The following STXBP5L variants were observed in gnomAD, a reference collection of about 807,000 sequenced individuals.
STXBP5L encodes syntaxin binding protein 5L.
Under a neutral mutation model 144.5 loss-of-function variants are expected in STXBP5L, and 65 were observed. The observed-to-expected ratio is 0.45, with a 90% CI of 0.37 to 0.55. STXBP5L has a LOEUF of 0.55. Ranked by LOEUF, STXBP5L falls within the 20% of genes least tolerant of loss-of-function variation. The pLI is 0.00. For missense variants in STXBP5L, 1,298 were observed against 1,405.5 expected, an observed-to-expected ratio of 0.92 and a Z score of 1.22; for synonymous variants, 505 against 469.6, an observed-to-expected ratio of 1.08 and a Z score of -0.97.
At chr3:120,977,751 ATC>A in intron 3 of STXBP5L, among the ~76,000 whole-genome samples, 1 of 152,148 alleles carries the variant, frequency 6.6e-6, no homozygotes, top group South Asian at 2.1e-4. Context: ...TGGTGACAAA[ATC>A]TCTCAGCATT....
intron 5 of STXBP5L, among the ~76,000 whole-genome samples, chr3:121,085,859 T>C (rs530346920): frequency 1.6e-4 from 24 of 152,186 alleles, no homozygotes; most frequent in African/African-American, 5.1e-4. Flanking sequence ...AGGGCCCACA[T>C]AGCCAAGACA....
intron 9 of STXBP5L, among the ~76,000 whole-genome samples, chr3:121,162,281 T>C (rs1175332243): frequency 2.6e-5 from 4 of 152,020 alleles, no homozygotes; most frequent in Admixed American, 2.6e-4. Context: ...CCAAGAAAAA[T>C]AATTACAGGG....
At chr3:121,165,715 A>T (rs896370233) in intron 9 of STXBP5L, among the ~76,000 whole-genome samples, 1 of 152,082 alleles carries the variant, frequency 6.6e-6, no homozygotes, top group African/African-American at 2.4e-5. Context: ...TGTCTCACAG[A>T]TTGGACCCCA....
intron 7 of STXBP5L, among the ~76,000 whole-genome samples, chr3:121,140,343 A>C (rs548750913): frequency 5.5e-4 from 84 of 152,274 alleles, no homozygotes; most frequent in Middle Eastern, 3.4e-3. Context: ...TCCTCAAATT[A>C]AAAATAGAAA....
intron 22 of STXBP5L, among the ~76,000 whole-genome samples, chr3:121,403,437 A>C (rs1986730): frequency 0.59 from 90,115 of 151,860 alleles, 27,771 homozygotes; most frequent in East Asian, 0.89. Context: ...TCACCTACTT[A>C]AGAAAGTCAA....
intron 5 of STXBP5L, among the ~76,000 whole-genome samples, chr3:121,059,733 A>G (rs2041166640): frequency 6.6e-6 from 1 of 152,142 alleles, no homozygotes; most frequent in Non-Finnish European, 1.5e-5. Context: ...TTCTGTTAGT[A>G]GCAATGGTGA....
chr3:121,068,978 TATGTTA>T (rs2041681285), intron 5 of STXBP5L, among the ~76,000 whole-genome samples: 1 of 152,170 alleles, frequency 6.6e-6, no homozygotes, highest in Non-Finnish European at 1.5e-5. Flanking sequence ...ATTCACCCCA[TATGTTA>T]ATGTCGTACA....
intron 8 of STXBP5L, 107 bp downstream of exon 8, chr3:121,152,667 T>C: frequency 1.4e-6 from 1 of 720,104 alleles, no homozygotes; most frequent in South Asian, 2.2e-5. Flanking sequence ...GAAAGTTGCC[T>C]GATTCTGACC....
chr3:121,200,999 C>T (rs757012742), intron 9 of STXBP5L, among the ~76,000 whole-genome samples: 14 of 152,150 alleles, frequency 9.2e-5, no homozygotes, highest in Admixed American at 2.0e-4. Context: ...TCTATTAGGT[C>T]TTCTTGGTCC....
chr3:121,095,436 A>T (rs1270787669), intron 5 of STXBP5L, among the ~76,000 whole-genome samples: 1 of 152,050 alleles, frequency 6.6e-6, no homozygotes, highest in African/African-American at 2.4e-5. Flanking sequence ...TCAGATGTGG[A>T]TTTGATCTTT....
chr3:121,016,733 T>G (rs1418620767), intron 3 of STXBP5L, among the ~76,000 whole-genome samples: 1 of 152,194 alleles, frequency 6.6e-6, no homozygotes, highest in African/African-American at 2.4e-5. Flanking sequence ...CAAACTCACA[T>G]GAGGACAGAT....
rs749556462 is a variant in STXBP5L at position 121,250,720 on chromosome 3, T to C, written c.1401-3T>C. 6.2e-7 allele frequency: 1 copy of C among 1,607,430 alleles called. No homozygotes were observed. Among genetic ancestry groups the C allele is most frequent in the East Asian group, 2.2e-5 (1 of 44,628 alleles). ...AATTAATGCTAATTTATTTCTCATCTAGTCATGCAGATGGATCAATAAAAT... is the reference window on the plus strand; with the variant it reads ...AATTAATGCTAATTTATTTCTCATCCAGTCATGCAGATGGATCAATAAAAT... On this transcript the variant is annotated splice_polypyrimidine_tract_variant and splice_region_variant and intron_variant, in intron 14 of 26. Transcript: ENST00000471454.
intron 19 of STXBP5L, among the ~76,000 whole-genome samples, chr3:121,283,769 C>A (rs2051138487): frequency 6.6e-6 from 1 of 151,932 alleles, no homozygotes; most frequent in Non-Finnish European, 1.5e-5. Flanking sequence ...ATCCTCTGCA[C>A]CACATAAAGG....
intron 3 of STXBP5L, among the ~76,000 whole-genome samples, chr3:120,998,255 G>T (rs1943507541): frequency 6.6e-6 from 1 of 152,110 alleles, no homozygotes; most frequent in Admixed American, 6.6e-5. Context: ...AGAGAAAGAA[G>T]TAAAGTCCTC....
intron 5 of STXBP5L, among the ~76,000 whole-genome samples, chr3:121,110,168 A>T (rs6796937): frequency 0.099 from 15,105 of 152,102 alleles, 1,187 homozygotes; most frequent in Admixed American, 0.2. Flanking sequence ...CCAGCTTGCC[A>T]TTCTGTGTCT....
chr3:120,948,740 C>T (rs1711010333), intron 2 of STXBP5L, among the ~76,000 whole-genome samples: 1 of 151,776 alleles, frequency 6.6e-6, no homozygotes, highest in Admixed American at 6.6e-5. Flanking sequence ...TATTTCATTC[C>T]TTTTTATGAC....
chr3:121,192,085 G>A (rs746945074), intron 9 of STXBP5L, among the ~76,000 whole-genome samples: 44 of 151,974 alleles, frequency 2.9e-4, no homozygotes, highest in Admixed American at 1.3e-4. Flanking sequence ...GCCTAGAACC[G>A]AAAGTATAAT....
chr3:121,114,180 T>A (rs1466642340), intron 5 of STXBP5L, among the ~76,000 whole-genome samples: 1 of 152,154 alleles, frequency 6.6e-6, no homozygotes, highest in Non-Finnish European at 1.5e-5. Context: ...AATTCCCATA[T>A]TTAATATGTA....
intron 5 of STXBP5L, among the ~76,000 whole-genome samples, chr3:121,047,012 G>A (rs1055968844): frequency 1.2e-4 from 18 of 151,818 alleles, no homozygotes; most frequent in Admixed American, 6.6e-5. Context: ...TTTCCTCTTA[G>A]CACTACTTTA....
Sources: allele counts gnomAD v4.1 joint callset (sites outside exome capture counted in the v4.1 genomes callset), GRCh38; gene constraint gnomAD v4.1.1; transcripts MANE v1.5; gene names NCBI Gene and HGNC (gene_info 2026-07-23, HGNC 2026-07-21).